Variants in PEA15 observed in about 807,000 individuals in gnomAD.
PEA15 encodes astrocytic phosphoprotein PEA-15.
For missense variants in PEA15, 77 were observed against 161.3 expected, an observed-to-expected ratio of 0.48 and a Z score of 2.83; for synonymous variants, 60 against 61.8, an observed-to-expected ratio of 0.97 and a Z score of 0.13.
Position 160,213,494 on chromosome 1 carries a change from G to A in PEA15, c.*8G>A. ...CCACCGAAGAAGGCCTGAGCAAGGG[G>A]GAGGAAGAGGAGGAAGGTTGGACCT... is the stretch of plus-strand genomic sequence containing the variant. On this transcript the variant is annotated 3_prime_UTR_variant, in exon 4 of 4. Transcript: ENST00000360472. This position sits in a 1 kb window ranked among gnomAD's most constrained non-coding sequence, Gnocchi z 5.3. 1 of 1,612,720 alleles carries A rather than the reference G, an allele frequency of 6.2e-7. No individual in the cohort carries two copies. The highest frequency in any genetic ancestry group is 8.5e-7 in the Non-Finnish European group (1 of 1,178,916).
At chr1:160,210,685 A>T (rs1221656204) in intron 1 of PEA15, among the ~76,000 whole-genome samples, 4 of 152,146 alleles carry the variant, frequency 2.6e-5, no homozygotes, top group Non-Finnish European at 4.4e-5. Flanking sequence ...CCATTCTCCC[A>T]AAGCCGCATC....
chr1:160,207,110 A>T (rs1269383304), intron 1 of PEA15: 7 of 152,412 alleles, frequency 4.6e-5, no homozygotes, highest in Non-Finnish European at 1.0e-4. Flanking sequence ...CTCCGACCAA[A>T]CTTACTCTGT....
At chr1:160,212,289 A>G (rs1654905325) in intron 2 of PEA15, among the ~76,000 whole-genome samples, 1 of 152,134 alleles carries the variant, frequency 6.6e-6, no homozygotes. Context: ...AGGGCATGCC[A>G]GGCAGAGGAA....
At chr1:160,210,045 CTG>C (rs923351548) in intron 1 of PEA15, among the ~76,000 whole-genome samples, 1 of 152,248 alleles carries the variant, frequency 6.6e-6, no homozygotes, top group African/African-American at 2.4e-5. Flanking sequence ...CATTGTCTGC[CTG>C]TGTCATGGTG....
At chr1:160,211,375 T>A in intron 1 of PEA15, 168 bp from the exon 2 acceptor site, 1 of 1,295,604 alleles carries the variant, frequency 7.7e-7, no homozygotes, top group Non-Finnish European at 1.0e-6. Flanking sequence ...CCTGACTGCC[T>A]CCCCTAGGTC....
rs759504001 is a variant in PEA15 at position 160,211,568 on chromosome 1, G to C, written c.24G>C (p.Leu8=). Residue 8 remains leucine (L), a synonymous_variant, in exon 2 of 4, where the codon CTG becomes CTC. Transcript: ENST00000360472. MAEYGTL[L]QDLTNNITLE... ...TCATGGCTGAGTACGGGACCCTCCT[G>C]CAAGACCTGACCAACAACATCACCC... 9 of 1,613,456 alleles carry C rather than the reference G, an allele frequency of 5.6e-6. No homozygotes were observed. The African/African-American group carries it at 1.1e-4, about 19-fold the overall frequency.
chr1:160,212,658 C>T (rs747459554), intron 2 of PEA15, among the ~76,000 whole-genome samples: 26 of 151,626 alleles, frequency 1.7e-4, no homozygotes, highest in Non-Finnish European at 1.8e-4. Context: ...TTAGAATAAC[C>T]TTTCTCACCA....
At chr1:160,210,805 G>C (rs1654845097) in intron 1 of PEA15, among the ~76,000 whole-genome samples, 2 of 152,208 alleles carry the variant, frequency 1.3e-5, no homozygotes, top group South Asian at 4.1e-4. Flanking sequence ...ACAAAGGGTA[G>C]GAGAGAGAGC....
At chr1:160,210,940 C>T (rs1654852296) in intron 1 of PEA15, among the ~76,000 whole-genome samples, 1 of 152,092 alleles carries the variant, frequency 6.6e-6, no homozygotes, top group South Asian at 2.1e-4. Flanking sequence ...GGCCAAGGAA[C>T]CATCAGACCA....
rs769825245 is a variant in PEA15 at position 160,213,517 on chromosome 1, C to G, written c.*31C>G. ...GGGGAGGAAGAGGAGGAAGGTTGGACCTTCATCAGACCACTCCCTTCCCCC... is the reference window on the plus strand; with the variant it reads ...GGGGAGGAAGAGGAGGAAGGTTGGAGCTTCATCAGACCACTCCCTTCCCCC... On this transcript the variant is annotated 3_prime_UTR_variant, in exon 4 of 4. Coordinates refer to ENST00000360472, the MANE Select transcript of PEA15 (RefSeq NM_003768.5). The surrounding 1 kb of genome is among the most constrained non-coding windows in gnomAD (Gnocchi z 5.3). The G allele has an allele frequency of 2.5e-6, 4 of 1,596,964 alleles. No homozygotes were observed. Among genetic ancestry groups the G allele is most frequent in the Non-Finnish European group, 3.4e-6 (4 of 1,164,678 alleles).
rs1654706536 is a variant in PEA15 at position 160,208,579 on chromosome 1, T to A, written c.-2-2964T>A. The stretch of plus-strand genomic sequence containing the variant: ...GATTTCTCCACGAGCCCTAAGGAAA[T>A]CTGAATCTCTGGTGAGGAAAGTGAC... On this transcript the variant is annotated intron_variant, in intron 1 of 3. Transcript: ENST00000360472. The surrounding 1 kb of genome is among the most constrained non-coding windows in gnomAD (Gnocchi z 4.1). 2 of 1,548,284 alleles carry A rather than the reference T, an allele frequency of 1.3e-6. No homozygotes were observed. The highest frequency in any genetic ancestry group is 1.7e-6 in the Non-Finnish European group (2 of 1,145,062).
chr1:160,211,250 G>A, intron 1 of PEA15: 1 of 1,073,846 alleles, frequency 9.3e-7, no homozygotes, highest in Non-Finnish European at 1.1e-6. Flanking sequence ...CTCAGTCAGG[G>A]GAACTGTTGC....
Position 160,208,512 on chromosome 1 carries a change from C to A in PEA15, c.-3+2990C>A. 1 of 1,194,766 alleles carries A rather than the reference C, an allele frequency of 8.4e-7. No homozygotes were observed. The highest frequency in any genetic ancestry group is 1.2e-6 in the Non-Finnish European group (1 of 826,272). The allele number at this position is 1,194,766 out of a possible 1,614,324, so 74.0% of individuals were successfully genotyped here. A position where few individuals can be genotyped will look rare whatever the true frequency, so the allele number is the denominator to read the frequency against. On this transcript the variant is annotated intron_variant, in intron 1 of 3. Coordinates refer to ENST00000360472, the MANE Select transcript of PEA15 (RefSeq NM_003768.5). This position sits in a 1 kb window ranked among gnomAD's most constrained non-coding sequence, Gnocchi z 4.1. ...GGTGATCCCTGAGCAGCTCTCTGCA[C>A]TGCTCCAGAAATCAGGAGGATTTTT...
intron 1 of PEA15, chr1:160,211,172 G>A (rs1279754988): frequency 1.4e-5 from 6 of 441,072 alleles, no homozygotes; most frequent in Admixed American, 1.3e-4. Flanking sequence ...TGGGTGGGGC[G>A]ATTCTGAGGG....
intron 1 of PEA15, chr1:160,206,122 C>T (rs1446352078): frequency 6.6e-6 from 1 of 152,546 alleles, no homozygotes; most frequent in Non-Finnish European, 1.5e-5. Context: ...CACAGTGACA[C>T]ACACCCATGT....
intron 2 of PEA15, among the ~76,000 whole-genome samples, chr1:160,212,607 A>G (rs1356313676): frequency 6.6e-6 from 1 of 152,172 alleles, no homozygotes; most frequent in Non-Finnish European, 1.5e-5. Context: ...TGGCCAAGCC[A>G]TGGACATCGT....
At position 160,208,586 on chromosome 1, in the gene PEA15, C is replaced by G. The variant is rs3789040; in HGVS notation, c.-2-2957C>G. ...CCACGAGCCCTAAGGAAATCTGAAT[C>G]TCTGGTGAGGAAAGTGACATGGAGG... On this transcript the variant is annotated intron_variant, in intron 1 of 3. Coordinates refer to ENST00000360472, the MANE Select transcript of PEA15 (RefSeq NM_003768.5). This position sits in a 1 kb window ranked among gnomAD's most constrained non-coding sequence, Gnocchi z 4.1. 30,622 of 1,549,610 alleles carry G rather than the reference C, an allele frequency of 0.02. 534 individuals are homozygous for G. The highest frequency in any genetic ancestry group is 0.074 in the East Asian group (3,016 of 40,912).
At chr1:160,212,591 T>C (rs927872308) in intron 2 of PEA15, among the ~76,000 whole-genome samples, 1 of 152,128 alleles carries the variant, frequency 6.6e-6, no homozygotes, top group African/African-American at 2.4e-5. Flanking sequence ...TATAATCTCC[T>C]GGAATTGGCC....
At chr1:160,211,827 C>A in intron 2 of PEA15, 111 bp downstream of exon 2, 2 of 1,005,570 alleles carry the variant, frequency 2.0e-6, no homozygotes, top group Admixed American at 2.5e-5. Flanking sequence ...CCCTCTATAG[C>A]AAGGCAGAAG....
Sources: allele counts gnomAD v4.1 joint callset (sites outside exome capture counted in the v4.1 genomes callset), GRCh38; gene constraint gnomAD v4.1.1; non-coding constraint Gnocchi (gnomAD v3.1); transcripts MANE v1.5; gene names NCBI Gene and HGNC (gene_info 2026-07-23, HGNC 2026-07-21).